Variants in TULP2 observed in about 807,000 individuals in gnomAD.
TULP2 encodes the protein tubby-related protein 2.
A neutral mutation model predicts 60.3 loss-of-function variants in TULP2; 64 were observed. The ratio of observed to expected loss-of-function variants is 1.06; its 90% CI spans 0.87 to 1.31. TULP2 has a LOEUF of 1.31. TULP2 is among the 50% of genes most tolerant of loss of function. The probability of loss-of-function intolerance (pLI) is 0.00; values close to 1 mark genes in which losing one functional copy is unlikely to be tolerated. For missense variants in TULP2, 652 were observed against 667.0 expected, an observed-to-expected ratio of 0.98 and a Z score of 0.25; for synonymous variants, 267 against 265.4, an observed-to-expected ratio of 1.01 and a Z score of -0.06.
intron 6 of TULP2, among the ~76,000 whole-genome samples, chr19:48,892,482 A>T (rs1252116327): frequency 6.6e-6 from 1 of 151,744 alleles, no homozygotes; most frequent in African/African-American, 2.4e-5. Context: ...GATTAACAGC[A>T]TCTCAAAGCA....
In TULP2 at chr19:48,888,012, C is replaced by T. The variant is rs763937073; in HGVS notation, c.886G>A (p.Gly296Ser). The change falls in exon 8 of 13, where the codon GGC (glycine) becomes AGC (serine). Residue 296 changes from glycine to serine, a missense_variant. Transcript: ENST00000221399. ...MQCYLTRDKHGVDKGLFPLYY... is the reference protein window; with the variant it reads ...MQCYLTRDKHSVDKGLFPLYY... The stretch of plus-strand genomic sequence containing the variant: ...AGGGGGAACAAGCCCTTGTCCACGC[C>T]GTGCTTGTCACGGGTGAGGTAGCAC... 12 of 1,614,074 alleles carry T rather than the reference C, an allele frequency of 7.4e-6. No homozygotes were observed. The Admixed American group carries it at 8.3e-5, about 11-fold the overall frequency.
chr19:48,889,054 G>C (rs2037209109), intron 7 of TULP2, among the ~76,000 whole-genome samples: 1 of 148,208 alleles, frequency 6.7e-6, no homozygotes, highest in South Asian at 2.1e-4. Flanking sequence ...TCAGCTCACT[G>C]CAACCTCCGC....
At chr19:48,889,705 C>T in intron 6 of TULP2, 74 bp from the exon 7 acceptor site, 3 of 1,352,010 alleles carry the variant, frequency 2.2e-6, no homozygotes, top group Non-Finnish European at 2.0e-6. Flanking sequence ...TAGGAGACTC[C>T]ATTTTGTTCT....
intron 3 of TULP2, among the ~76,000 whole-genome samples, chr19:48,896,890 C>CTTT (rs142990965): frequency 9.5e-5 from 14 of 147,762 alleles, no homozygotes; most frequent in South Asian, 6.4e-4. Context: ...TCCTTTCTTA[C>CTTT]TTTTTTTTTT....
chr19:48,898,405 T>C (rs2037302879), intron 1 of TULP2, 185 bp downstream of exon 1: 1 of 150,618 alleles, frequency 6.6e-6, no homozygotes, highest in Non-Finnish European at 1.5e-5. Context: ...AAATATCTAA[T>C]TCTCCAGCAC....
chr19:48,896,694 C>T, intron 3 of TULP2, 138 bp from the exon 4 acceptor site: 1 of 1,048,610 alleles, frequency 9.5e-7, no homozygotes, highest in Non-Finnish European at 1.3e-6. Flanking sequence ...CACGTCCAGG[C>T]CCTCAGTTCT....
At chr19:48,885,113 C>T (rs1031396456) in intron 9 of TULP2, among the ~76,000 whole-genome samples, 17 of 151,802 alleles carry the variant, frequency 1.1e-4, no homozygotes, top group Non-Finnish European at 1.6e-4. Context: ...GTTGGCCAGG[C>T]TGGTCTCAAG....
chr19:48,886,744 C>T (rs1360929286), intron 8 of TULP2, among the ~76,000 whole-genome samples: 1 of 151,002 alleles, frequency 6.6e-6, no homozygotes, highest in African/African-American at 2.4e-5. Flanking sequence ...GCAAGAAAGG[C>T]TCAGTGAGGG....
intron 7 of TULP2, among the ~76,000 whole-genome samples, 164 bp downstream of exon 7, chr19:48,889,346 G>A (rs1430914005): frequency 6.8e-6 from 1 of 146,460 alleles, no homozygotes; most frequent in African/African-American, 2.7e-5. Context: ...ACACACACAT[G>A]CACGCACGCA....
chr19:48,890,234 A>C (rs932636332), intron 6 of TULP2, among the ~76,000 whole-genome samples: 4 of 151,948 alleles, frequency 2.6e-5, no homozygotes, highest in Non-Finnish European at 5.9e-5. Context: ...GAGGTGGGAC[A>C]TGCGGGCAGC....
intron 12 of TULP2, 82 bp from the exon 13 acceptor site, chr19:48,881,208 T>TC: frequency 4.8e-6 from 2 of 420,840 alleles, no homozygotes; most frequent in Non-Finnish European, 6.7e-6. Context: ...TTTTTTTTTT[T>TC]TTCTTTTTTT....
At chr19:48,896,371 CCA>C (rs3830422) in intron 4 of TULP2, 57 bp downstream of exon 4, 204,227 of 1,525,070 alleles carry the variant, frequency 0.13, 16,262 homozygotes, top group African/African-American at 0.35. Context: ...TAGGCCCCGC[CCA>C]CAGACTCCCA....
chr19:48,882,559 G>C (rs1443626173), intron 11 of TULP2, among the ~76,000 whole-genome samples: 1 of 152,188 alleles, frequency 6.6e-6, no homozygotes, highest in African/African-American at 2.4e-5. Context: ...AAAGGAGACA[G>C]GGTCATTTAT....
chr19:48,882,125 A>T lies in TULP2; in HGVS notation c.1354T>A (p.Trp452Arg). ...LLLLHNKTPSWDKENGVYTLN... is the reference protein window; with the variant it reads ...LLLLHNKTPSRDKENGVYTLN... ...GTGTAGACACCGTTCTCCTTGTCCCACGACGGGGTTTTGTTGTGCAACAAA... is the reference window on the plus strand; with the variant it reads ...GTGTAGACACCGTTCTCCTTGTCCCTCGACGGGGTTTTGTTGTGCAACAAA... Residue 452 changes from tryptophan (W) to arginine (R), a missense_variant, in exon 12 of 13, where the codon TGG (tryptophan) becomes AGG (arginine). By Grantham distance (101) the Trp-to-Arg change is moderately radical. Coordinates refer to ENST00000221399, the MANE Select transcript of TULP2 (RefSeq NM_003323.3). 2 of 1,614,126 alleles carry T rather than the reference A, an allele frequency of 1.2e-6. No homozygotes were observed. The highest frequency in any genetic ancestry group is 2.2e-5 in the East Asian group (1 of 44,876).
intron 4 of TULP2, 137 bp downstream of exon 4, chr19:48,896,293 C>T (rs1387000872): frequency 7.7e-7 from 1 of 1,300,156 alleles, no homozygotes; most frequent in Admixed American, 2.6e-5. Context: ...TTCTAAAGCT[C>T]TCCTGGGCCA....
chr19:48,891,558 CA>C (rs2037233416), intron 6 of TULP2, among the ~76,000 whole-genome samples: 1 of 46,242 alleles, frequency 2.2e-5, no homozygotes, highest in African/African-American at 5.4e-4. Flanking sequence ...TAAACCCAGC[CA>C]GGCAGAGGTT....
intron 6 of TULP2, among the ~76,000 whole-genome samples, chr19:48,891,851 G>T (rs2037236348): frequency 6.6e-6 from 1 of 152,166 alleles, no homozygotes; most frequent in Non-Finnish European, 1.5e-5. Flanking sequence ...TGGGGAGAGG[G>T]TCAGCAGGAA....
chr19:48,885,919 A>C (rs1381571991), intron 8 of TULP2, among the ~76,000 whole-genome samples: 1 of 151,978 alleles, frequency 6.6e-6, no homozygotes, highest in African/African-American at 2.4e-5. Flanking sequence ...AGAAAAATGG[A>C]CTTCTGGAAG....
chr19:48,889,987 A>C (rs1304193658), intron 6 of TULP2, among the ~76,000 whole-genome samples: 6 of 152,260 alleles, frequency 3.9e-5, no homozygotes, highest in East Asian at 1.9e-4. Flanking sequence ...ATTTCTCCCC[A>C]TGTGATAGTC....
Sources: allele counts gnomAD v4.1 joint callset (sites outside exome capture counted in the v4.1 genomes callset), GRCh38; gene constraint gnomAD v4.1.1; transcripts MANE v1.5; gene names NCBI Gene and HGNC (gene_info 2026-07-23, HGNC 2026-07-21).